The following ADGRG2 variants were observed in gnomAD, a reference collection of about 807,000 sequenced individuals.
The protein encoded by ADGRG2 is G protein-coupled receptor 64.
In ADGRG2, 26 loss-of-function variants were observed where a neutral mutation model predicts 74.1. That is an observed-to-expected ratio of 0.35 (90% CI 0.26 to 0.49). ADGRG2 has a LOEUF of 0.49. ADGRG2 is among the 20% of genes least tolerant of loss of function. The pLI, the probability that ADGRG2 is intolerant of heterozygous loss-of-function variation, is 0.99. For synonymous variants in ADGRG2, 296 were observed against 295.2 expected, an observed-to-expected ratio of 1.00 and a Z score of -0.03; for missense variants, 619 against 763.1, an observed-to-expected ratio of 0.81 and a Z score of 2.22.
chrX:19,003,163 C>A (rs951932993), intron 23 of ADGRG2, 49 bp from the exon 24 acceptor site: 7 of 1,050,150 alleles, frequency 6.7e-6, no homozygotes, highest in East Asian at 6.1e-5. Flanking sequence ...TCTGCCAACC[C>A]TCCAACTTTT....
At chrX:19,078,116 A>G (rs2061783236) in intron 2 of ADGRG2, among the ~76,000 whole-genome samples, 2 of 112,496 alleles carry the variant, frequency 1.8e-5, no homozygotes, top group South Asian at 7.3e-4. Flanking sequence ...ACCAACAGAA[A>G]AGTCTCAAAA....
chrX:19,017,972 C>T (rs1192098706), intron 15 of ADGRG2, among the ~76,000 whole-genome samples: 2 of 111,185 alleles, frequency 1.8e-5, no homozygotes, highest in African/African-American at 6.5e-5. Context: ...TCTATGTATA[C>T]ACCTGTGGTC....
chrX:19,014,944 T>C (rs1353491072), intron 15 of ADGRG2, among the ~76,000 whole-genome samples: 2 of 112,171 alleles, frequency 1.8e-5, no homozygotes, highest in Admixed American at 1.9e-4. Context: ...AGAACACTTT[T>C]TAAAACATAT....
intron 1 of ADGRG2, among the ~76,000 whole-genome samples, chrX:19,115,930 C>T (rs1354959473): frequency 3.6e-5 from 4 of 110,079 alleles, no homozygotes; most frequent in African/African-American, 6.6e-5. Flanking sequence ...AAAGTGCAGG[C>T]CGGGTGCAGT....
intron 1 of ADGRG2, among the ~76,000 whole-genome samples, chrX:19,107,637 G>GTTTTTTTT (rs74586432): frequency 3.3e-4 from 16 of 47,999 alleles, no homozygotes; most frequent in African/African-American, 7.0e-4. Flanking sequence ...TTTGTTTTTT[G>GTTTTTTTT]TTTTTTTTTT....
chrX:19,086,823 T>G (rs1198688498), intron 1 of ADGRG2, among the ~76,000 whole-genome samples: 2 of 111,625 alleles, frequency 1.8e-5, no homozygotes, highest in Non-Finnish European at 3.8e-5. Flanking sequence ...ACCTAATGAT[T>G]CATTAGTGAC....
At chrX:19,113,484 A>G (rs1037941029) in intron 1 of ADGRG2, among the ~76,000 whole-genome samples, 2 of 112,364 alleles carry the variant, frequency 1.8e-5, no homozygotes, top group African/African-American at 3.2e-5. Context: ...AGATAACAGT[A>G]TCTTATCAAA....
chrX:19,007,117 C>T, intron 20 of ADGRG2, 118 bp downstream of exon 20: 2 of 708,437 alleles, frequency 2.8e-6, no homozygotes, highest in Admixed American at 4.9e-5. Context: ...CTGCAAACTA[C>T]TCCAGCTGAG....
At chrX:19,031,362 G>A (rs754064930) in intron 8 of ADGRG2, 14 of 201,691 alleles carry the variant, frequency 6.9e-5, no homozygotes, top group Non-Finnish European at 1.3e-4. Context: ...AAACCAAGTA[G>A]AGACTTTAAA....
chrX:19,000,491 C>T (rs1004736463), intron 24 of ADGRG2, among the ~76,000 whole-genome samples: 9 of 111,543 alleles, frequency 8.1e-5, no homozygotes, highest in African/African-American at 2.6e-4. Context: ...CCATGGGATA[C>T]GGGCACAAGT....
intron 26 of ADGRG2, 111 bp downstream of exon 26, chrX:18,998,885 G>T: frequency 1.6e-6 from 1 of 606,847 alleles, no homozygotes; most frequent in Non-Finnish European, 2.6e-6. Context: ...TATTGTAGTG[G>T]TCTAGAACCA....
At chrX:19,045,323 T>TATTATTATTATTA (rs56138378) in intron 3 of ADGRG2, among the ~76,000 whole-genome samples, 3 of 107,190 alleles carry the variant, frequency 2.8e-5, no homozygotes, top group Admixed American at 1.0e-4. Flanking sequence ...TTATTATTAT[T>TATTATTATTATTA]TTGAGACAGA....
intron 1 of ADGRG2, among the ~76,000 whole-genome samples, chrX:19,103,130 C>T (rs1336547116): frequency 9.0e-6 from 1 of 111,388 alleles, no homozygotes; most frequent in Admixed American, 9.6e-5. Context: ...GCTGATAAAA[C>T]AGGATGCGGT....
intron 2 of ADGRG2, among the ~76,000 whole-genome samples, chrX:19,081,664 T>C (rs1602079060): frequency 1.8e-5 from 2 of 112,518 alleles, no homozygotes; most frequent in African/African-American, 6.5e-5. Flanking sequence ...TTATTTATCA[T>C]GTAAGTTATA....
At chrX:19,109,252 TA>T (rs1045534247) in intron 1 of ADGRG2, among the ~76,000 whole-genome samples, 3 of 110,000 alleles carry the variant, frequency 2.7e-5, no homozygotes, top group Non-Finnish European at 5.7e-5. Context: ...TGGCCCAGTT[TA>T]AAAAAAAATC....
intron 15 of ADGRG2, among the ~76,000 whole-genome samples, chrX:19,019,223 T>G (rs886619548): frequency 2.7e-5 from 3 of 112,032 alleles, no homozygotes; most frequent in Non-Finnish European, 5.6e-5. Flanking sequence ...CACAAAAAGA[T>G]ACAAAACAGC....
intron 6 of ADGRG2, among the ~76,000 whole-genome samples, chrX:19,036,635 A>ACACACG (rs2146724162): frequency 9.1e-6 from 1 of 110,227 alleles, no homozygotes; most frequent in East Asian, 2.8e-4. Flanking sequence ...ACACACACAC[A>ACACACG]CACACACACA....
At chrX:19,070,435 C>G (rs947623344) in intron 2 of ADGRG2, among the ~76,000 whole-genome samples, 5 of 111,546 alleles carry the variant, frequency 4.5e-5, no homozygotes, top group African/African-American at 1.6e-4. Context: ...GAGTTCAGCA[C>G]ACAGAAAGAA....
intron 28 of ADGRG2, 38 bp from the exon 29 acceptor site, chrX:18,991,086 C>G: frequency 1.2e-6 from 1 of 844,688 alleles, no homozygotes; most frequent in Non-Finnish European, 1.6e-6. Flanking sequence ...CATGAAGTAT[C>G]CACAGAAAGC....
Sources: allele counts gnomAD v4.1 joint callset (sites outside exome capture counted in the v4.1 genomes callset), GRCh38; gene constraint gnomAD v4.1.1; transcripts MANE v1.5; gene names NCBI Gene and HGNC (gene_info 2026-07-23, HGNC 2026-07-21).